Variants in GRID2 observed in about 807,000 individuals in gnomAD.
GRID2 encodes the protein glutamate ionotropic receptor delta type subunit 2.
GRID2 carries 33 observed loss-of-function variants against 114.8 expected under a neutral mutation model. That is an observed-to-expected ratio of 0.29 (90% confidence interval 0.22 to 0.38). GRID2 has a LOEUF of 0.38. Among genes scored for constraint, GRID2 ranks in the 10% least tolerant of loss-of-function variants. The probability of loss-of-function intolerance (pLI) is 1.00; values close to 1 mark genes in which losing one functional copy is unlikely to be tolerated. For missense variants in GRID2, 1,184 were observed against 1,257.7 expected (o/e 0.94, Z 0.89); for synonymous variants, 505 against 449.9 (o/e 1.12, Z -1.55).
At chr4:93,323,952 G>A (rs1470507863) in intron 8 of GRID2, among the ~76,000 whole-genome samples, 5 of 152,158 alleles carry the variant, frequency 3.3e-5, no homozygotes, top group African/African-American at 9.7e-5. Flanking sequence ...TTTGGGCTGA[G>A]ACGATGGGGT....
intron 2 of GRID2, among the ~76,000 whole-genome samples, chr4:92,604,357 C>T (rs574424925): frequency 1.6e-4 from 25 of 152,110 alleles, no homozygotes; most frequent in African/African-American, 5.3e-4. Flanking sequence ...ACTATGCAGC[C>T]ATAAAAAGGA....
chr4:92,776,578 A>C (rs1203694585), intron 2 of GRID2, among the ~76,000 whole-genome samples: 1 of 151,920 alleles, frequency 6.6e-6, no homozygotes, highest in South Asian at 2.1e-4. Flanking sequence ...CAATTAGATT[A>C]TTTTTTGACT....
At chr4:93,084,924 C>A in intron 2 of GRID2, 71 bp from the exon 3 acceptor site, 1 of 1,148,376 alleles carries the variant, frequency 8.7e-7, no homozygotes, top group Non-Finnish European at 1.3e-6. Context: ...TTTATCCATC[C>A]AGTGCTTCTC....
chr4:93,341,142 A>G (rs908651789), intron 8 of GRID2, among the ~76,000 whole-genome samples: 3 of 152,220 alleles, frequency 2.0e-5, no homozygotes, highest in African/African-American at 7.2e-5. Context: ...TGATAAAAAC[A>G]TATCCATAAA....
intron 2 of GRID2, among the ~76,000 whole-genome samples, chr4:92,770,642 C>T (rs563320553): frequency 5.9e-5 from 9 of 152,258 alleles, no homozygotes; most frequent in Non-Finnish European, 8.8e-5. Context: ...TCATGTCTTA[C>T]ATGAATGGTG....
intron 1 of GRID2, among the ~76,000 whole-genome samples, chr4:92,362,522 AATAT>A (rs1293731058): frequency 2.0e-5 from 3 of 151,932 alleles, no homozygotes; most frequent in African/African-American, 7.2e-5. Flanking sequence ...GATTCTCATA[AATAT>A]ATATAAATTT....
chr4:92,740,718 A>G (rs183990478), intron 2 of GRID2, among the ~76,000 whole-genome samples: 5 of 98,324 alleles, frequency 5.1e-5, no homozygotes, highest in Non-Finnish European at 1.2e-4. Flanking sequence ...ATAGATAGAT[A>G]GATAGATAGA....
chr4:92,496,875 A>G (rs1723412578), intron 1 of GRID2, among the ~76,000 whole-genome samples: 1 of 151,800 alleles, frequency 6.6e-6, no homozygotes, highest in Admixed American at 6.6e-5. Flanking sequence ...GAAATTAAAA[A>G]AAAATTACTT....
At chr4:92,320,436 G>T (rs6848132) in intron 1 of GRID2, among the ~76,000 whole-genome samples, 9,996 of 152,104 alleles carry the variant, frequency 0.066, 374 homozygotes, top group Middle Eastern at 0.14. Flanking sequence ...GTCTACTTAT[G>T]TCTCAGTTTA....
At chr4:93,491,970 G>T (rs1727051488) in intron 12 of GRID2, among the ~76,000 whole-genome samples, 1 of 151,764 alleles carries the variant, frequency 6.6e-6, no homozygotes, top group African/African-American at 2.4e-5. Flanking sequence ...ATGAAATCAT[G>T]CTGCTCAAGT....
intron 13 of GRID2, among the ~76,000 whole-genome samples, chr4:93,522,000 T>C (rs1321894115): frequency 6.6e-6 from 1 of 152,130 alleles, no homozygotes; most frequent in Non-Finnish European, 1.5e-5. Flanking sequence ...TATCTGTATA[T>C]TGATGGGAGT....
intron 2 of GRID2, among the ~76,000 whole-genome samples, chr4:92,840,184 T>C (rs1037256270): frequency 6.6e-6 from 1 of 152,068 alleles, no homozygotes. Flanking sequence ...TTTTTCATAC[T>C]TTTATTTCCA....
intron 1 of GRID2, among the ~76,000 whole-genome samples, chr4:92,494,617 A>G (rs1723302099): frequency 6.6e-6 from 1 of 152,112 alleles, no homozygotes; most frequent in African/African-American, 2.4e-5. Context: ...ACCAGAATCA[A>G]GTCTAATTCT....
At chr4:92,867,799 G>A (rs560665900) in intron 2 of GRID2, among the ~76,000 whole-genome samples, 2 of 152,208 alleles carry the variant, frequency 1.3e-5, no homozygotes, top group East Asian at 3.9e-4. Flanking sequence ...TGTTGGGTAT[G>A]TACAGCTATT....
At chr4:93,210,491 G>A (rs1304083375) in intron 5 of GRID2, among the ~76,000 whole-genome samples, 1 of 152,072 alleles carries the variant, frequency 6.6e-6, no homozygotes, top group Non-Finnish European at 1.5e-5. Flanking sequence ...GGTTAGTGTA[G>A]CACTGTAGTA....
chr4:93,079,722 TATA>T (rs1355927118), intron 2 of GRID2, among the ~76,000 whole-genome samples: 1 of 152,054 alleles, frequency 6.6e-6, no homozygotes. Context: ...TAAGGTGACT[TATA>T]ATATGTGCCA....
intron 1 of GRID2, among the ~76,000 whole-genome samples, chr4:92,507,415 TTGTGTG>T (rs70940902): frequency 1.3e-5 from 2 of 149,240 alleles, no homozygotes; most frequent in Admixed American, 6.7e-5. Context: ...TCGTGTATAA[TTGTGTG>T]TGTGTGTGTG....
intron 14 of GRID2, among the ~76,000 whole-genome samples, chr4:93,650,821 T>G (rs914826926): frequency 1.4e-4 from 21 of 151,612 alleles, no homozygotes; most frequent in Non-Finnish European, 2.5e-4. Flanking sequence ...GCAGAGCTTC[T>G]CCCTGTTATC....
intron 4 of GRID2, among the ~76,000 whole-genome samples, chr4:93,185,135 A>G (rs1024356214): frequency 6.6e-6 from 1 of 152,188 alleles, no homozygotes; most frequent in Non-Finnish European, 1.5e-5. Context: ...CTTATCCTTT[A>G]ACTTCAGTGA....
Sources: gnomAD v4.1 joint callset for allele counts (sites outside exome capture counted in the v4.1 genomes callset) on GRCh38, gnomAD v4.1.1 for gene constraint, MANE v1.5 for transcripts, NCBI Gene and HGNC (gene_info 2026-07-23, HGNC 2026-07-21) for gene names.